PLSCR5: variants seen among roughly 807,000 people sequenced by gnomAD.
PLSCR5 encodes the protein phospholipid scramblase family, member 5.
In PLSCR5, 44 loss-of-function variants were observed where a neutral mutation model predicts 33.6. That is an observed-to-expected ratio of 1.31 (90% CI 1.03 to 1.69). PLSCR5 has a LOEUF of 1.69. Among genes scored for constraint, PLSCR5 ranks in the 40% most tolerant of loss-of-function variants. The probability of loss-of-function intolerance (pLI) is 0.00; values close to 1 mark genes in which losing one functional copy is unlikely to be tolerated. For synonymous variants in PLSCR5, 148 were observed against 112.3 expected, an observed-to-expected ratio of 1.32 and a Z score of -2.01; for missense variants, 375 against 318.7, an observed-to-expected ratio of 1.18 and a Z score of -1.34.
chr3:146,594,216 A>G, intron 3 of PLSCR5, 76 bp from the exon 4 acceptor site: 1 of 1,010,380 alleles, frequency 9.9e-7, no homozygotes, highest in Non-Finnish European at 1.5e-6. Flanking sequence ...GGGAGATGTT[A>G]TTAAAAGAAT....
intron 3 of PLSCR5, 98 bp from the exon 4 acceptor site, chr3:146,594,238 T>C: frequency 1.2e-6 from 1 of 837,504 alleles, no homozygotes. Context: ...CAGTGTCTGA[T>C]CAATTATTAA....
At chr3:146,578,550 G>A (rs937362409) in intron 7 of PLSCR5, among the ~76,000 whole-genome samples, 2 of 151,924 alleles carry the variant, frequency 1.3e-5, no homozygotes, top group African/African-American at 2.4e-5. Flanking sequence ...CTGGAAGGTC[G>A]ACAAAAAGCT....
rs763155758 is a variant in PLSCR5 at position 146,600,404 on chromosome 3, G to A, written c.73C>T (p.Gln25Ter). 1.4e-5 allele frequency: 22 copies of A among 1,607,486 alleles called. No homozygotes were observed. The Admixed American group carries it at 3.7e-4, about 27-fold the overall frequency. ...GGATTGGAAGAGGCAGGAAGGCTTTGGTCTGGGTCTGGAGCTCCAGGAAGA... is the reference window on the plus strand; with the variant it reads ...GGATTGGAAGAGGCAGGAAGGCTTTAGTCTGGGTCTGGAGCTCCAGGAAGA... ...GFLPGAPDPD[Q>*]SLPASSNPGN... is the part of the protein sequence containing the mutation. The change falls in exon 2 of 8, where the codon CAA (glutamine) becomes TAA (stop). Residue 25 changes from glutamine (Q) to a stop codon, truncating the protein, a stop_gained. Coordinates refer to ENST00000443512, the MANE Select transcript of PLSCR5 (RefSeq NM_001085420.2). LOFTEE classifies it high-confidence loss of function.
chr3:146,596,661 C>G (rs1346173354), intron 2 of PLSCR5, among the ~76,000 whole-genome samples: 1 of 152,162 alleles, frequency 6.6e-6, no homozygotes, highest in African/African-American at 2.4e-5. Flanking sequence ...TCACCAGTAA[C>G]TATTAAACTA....
chr3:146,592,979 A>G (rs2044728201), intron 4 of PLSCR5, among the ~76,000 whole-genome samples: 1 of 152,162 alleles, frequency 6.6e-6, no homozygotes, highest in Non-Finnish European at 1.5e-5. Flanking sequence ...TCACTTAGTC[A>G]GATGCTTACC....
intron 5 of PLSCR5, among the ~76,000 whole-genome samples, chr3:146,591,450 G>T (rs768347710): frequency 1.6e-4 from 25 of 151,840 alleles, no homozygotes; most frequent in South Asian, 6.3e-4. Context: ...TATTACTTTG[G>T]ATAATACTTA....
chr3:146,582,093 T>C (rs1014928469), downstream of PLSCR5, among the ~76,000 whole-genome samples: 2 of 152,268 alleles, frequency 1.3e-5, no homozygotes, highest in South Asian at 4.1e-4. Flanking sequence ...TAATATTTCC[T>C]CTGTCAGTAA....
chr3:146,602,105 T>C (rs1248217471), intron 1 of PLSCR5, among the ~76,000 whole-genome samples: 1 of 152,126 alleles, frequency 6.6e-6, no homozygotes, highest in East Asian at 1.9e-4. Context: ...CTGATAATAC[T>C]ATAGCAGTTT....
chr3:146,579,193 A>G (rs1321501851), intron 7 of PLSCR5, among the ~76,000 whole-genome samples: 2 of 152,150 alleles, frequency 1.3e-5, no homozygotes, highest in Non-Finnish European at 2.9e-5. Flanking sequence ...TTTTATTAAA[A>G]AGAATTTTTT....
chr3:146,597,230 T>C (rs1000871603), intron 2 of PLSCR5, among the ~76,000 whole-genome samples: 3 of 152,162 alleles, frequency 2.0e-5, no homozygotes, highest in African/African-American at 7.2e-5. Flanking sequence ...GTTTTTTTAA[T>C]TGAATAACTA....
intron 7 of PLSCR5, among the ~76,000 whole-genome samples, chr3:146,579,840 G>A (rs2044621976): frequency 6.6e-6 from 1 of 152,162 alleles, no homozygotes; most frequent in African/African-American, 2.4e-5. Flanking sequence ...GGGACAATGT[G>A]GCCTAGCCTA....
chr3:146,595,287 AC>A (rs1471635538), intron 2 of PLSCR5, among the ~76,000 whole-genome samples: 1 of 152,192 alleles, frequency 6.6e-6, no homozygotes, highest in African/African-American at 2.4e-5. Context: ...ATTTAGAAGA[AC>A]CTTGAAAATT....
chr3:146,604,530 T>C (rs2044847593), intron 1 of PLSCR5, among the ~76,000 whole-genome samples: 1 of 152,122 alleles, frequency 6.6e-6, no homozygotes, highest in Non-Finnish European at 1.5e-5. Flanking sequence ...TACTTATTTC[T>C]AGCCCATCAC....
At chr3:146,597,803 A>G (rs1365244866) in intron 2 of PLSCR5, among the ~76,000 whole-genome samples, 1 of 152,170 alleles carries the variant, frequency 6.6e-6, no homozygotes, top group Non-Finnish European at 1.5e-5. Context: ...CAATGAGAGG[A>G]TTAGATGTAT....
intron 4 of PLSCR5, 85 bp downstream of exon 4, chr3:146,593,835 G>T: frequency 8.1e-7 from 1 of 1,239,732 alleles, no homozygotes; most frequent in Non-Finnish European, 1.2e-6. Flanking sequence ...CAGGTTAATT[G>T]CCTCATTGCT....
chr3:146,582,294 A>G (rs1195428589), downstream of PLSCR5, among the ~76,000 whole-genome samples: 5 of 152,222 alleles, frequency 3.3e-5, no homozygotes, highest in African/African-American at 1.2e-4. Flanking sequence ...GACAGGCCAC[A>G]CAGCTGACTT....
At chr3:146,577,204 A>G (rs1241737667) in intron 7 of PLSCR5, among the ~76,000 whole-genome samples, 2 of 152,044 alleles carry the variant, frequency 1.3e-5, no homozygotes, top group African/African-American at 2.4e-5. Flanking sequence ...TCTAGATAGA[A>G]TATTATGGTT....
At chr3:146,586,908 GAA>G (rs2044670567) in intron 6 of PLSCR5, among the ~76,000 whole-genome samples, 1 of 152,010 alleles carries the variant, frequency 6.6e-6, no homozygotes, top group African/African-American at 2.4e-5. Flanking sequence ...ATACATGTAA[GAA>G]ATAGTTTTAT....
At chr3:146,599,943 C>T (rs1021773221) in intron 2 of PLSCR5, among the ~76,000 whole-genome samples, 4 of 151,974 alleles carry the variant, frequency 2.6e-5, no homozygotes, top group South Asian at 2.1e-4. Flanking sequence ...GGATTACAGG[C>T]GTGAGCCACC....
Sources: allele counts gnomAD v4.1 joint callset (sites outside exome capture counted in the v4.1 genomes callset), GRCh38; gene constraint gnomAD v4.1.1; transcripts MANE v1.5; gene names NCBI Gene and HGNC (gene_info 2026-07-23, HGNC 2026-07-21).